Variants in GAS7 observed in about 807,000 individuals in gnomAD.
GAS7 encodes the protein growth arrest-specific protein 7.
Under a neutral mutation model 71.1 loss-of-function variants are expected in GAS7, and 28 were observed. The observed-to-expected ratio is 0.39, with a 90% CI of 0.29 to 0.54. The LOEUF (loss-of-function observed/expected upper bound fraction) is 0.54, where lower values mean the gene tolerates loss of function less well. GAS7 is among the 20% of genes least tolerant of loss of function. GAS7 has a pLI of 0.62. For missense variants in GAS7, 436 were observed against 627.8 expected, an observed-to-expected ratio of 0.69 and a Z score of 3.27; for synonymous variants, 258 against 245.8, an observed-to-expected ratio of 1.05 and a Z score of -0.46.
intron 2 of GAS7, among the ~76,000 whole-genome samples, chr17:9,999,738 A>C (rs771889515): frequency 8.5e-5 from 13 of 152,246 alleles, no homozygotes; most frequent in Non-Finnish European, 1.8e-4. Context: ...ATCATGAACC[A>C]GCACTGTAAA....
chr17:10,090,638 T>C (rs985433530), intron 1 of GAS7, among the ~76,000 whole-genome samples: 5 of 152,098 alleles, frequency 3.3e-5, no homozygotes, highest in African/African-American at 9.7e-5. Context: ...AAAATTCAGG[T>C]TGTGGTGTTG....
At chr17:9,941,834 C>T (rs3786112) in intron 7 of GAS7, among the ~76,000 whole-genome samples, 15,477 of 152,090 alleles carry the variant, frequency 0.1, 1,800 homozygotes, top group African/African-American at 0.29. Flanking sequence ...GAAAATAGGC[C>T]CTCTGTCTAT....
chr17:10,048,379 A>C (rs1360621601), intron 1 of GAS7, among the ~76,000 whole-genome samples: 1 of 152,046 alleles, frequency 6.6e-6, no homozygotes, highest in Non-Finnish European at 1.5e-5. Flanking sequence ...GTTACCCAGG[A>C]AATCAGATTT....
chr17:10,012,995 C>T (rs1056532310), intron 2 of GAS7, among the ~76,000 whole-genome samples: 4 of 149,912 alleles, frequency 2.7e-5, no homozygotes, highest in African/African-American at 4.9e-5. Flanking sequence ...TCCAGCTACT[C>T]GGGAGGCCGA....
At chr17:9,980,268 G>A (rs1457473675) in intron 3 of GAS7, among the ~76,000 whole-genome samples, 1 of 152,088 alleles carries the variant, frequency 6.6e-6, no homozygotes, top group Admixed American at 6.5e-5. Context: ...GCACTTTCAT[G>A]TCTTCAGGTC....
chr17:9,951,515 G>GAAA (rs1237153627), intron 5 of GAS7, among the ~76,000 whole-genome samples: 1 of 152,134 alleles, frequency 6.6e-6, no homozygotes, highest in African/African-American at 2.4e-5. Flanking sequence ...CCAGCACTTT[G>GAAA]GGAGGCCGAG....
At chr17:10,057,408 C>T (rs192401334) in intron 1 of GAS7, among the ~76,000 whole-genome samples, 1,666 of 151,940 alleles carry the variant, frequency 0.011, 41 homozygotes, top group African/African-American at 0.039. Flanking sequence ...GCCCTGCCGC[C>T]CCGTCTGGAA....
chr17:10,069,632 T>C (rs1037983055), intron 1 of GAS7, among the ~76,000 whole-genome samples: 1 of 152,172 alleles, frequency 6.6e-6, no homozygotes, highest in Non-Finnish European at 1.5e-5. Flanking sequence ...TGTGGTCCAT[T>C]TGACCCCACA....
In GAS7 at chr17:10,193,260, C is replaced by CAAAAAA. The variant is rs57261260; in HGVS notation, c.183+4942_183+4947dup. ...GCCTTTAGAAAGAAACCTCTAGAGT[C>CAAAAAA]AAAAAAAAAAAAAAAAAACCCTCCA... On this transcript the variant is annotated intron_variant, in intron 1 of 13. Coordinates refer to ENST00000432992, the MANE Select transcript of GAS7 (RefSeq NM_201433.2). Among the ~76,000 whole-genome samples, 184 of 113,408 alleles carry CAAAAAA rather than the reference C, an allele frequency of 1.6e-3. 2 individuals carry two copies. Among genetic ancestry groups the CAAAAAA allele is most frequent in the African/African-American group, 5.5e-3 (164 of 29,698 alleles). 74.4% of individuals were successfully genotyped at this position (113,408 alleles called of 152,430 possible). A position where few individuals can be genotyped will look rare whatever the true frequency, so the allele number is the denominator to read the frequency against.
At chr17:10,010,997 T>A (rs903207989) in intron 2 of GAS7, among the ~76,000 whole-genome samples, 1 of 152,214 alleles carries the variant, frequency 6.6e-6, no homozygotes, top group Non-Finnish European at 1.5e-5. Flanking sequence ...ATTTGGCCCA[T>A]AGGCCACAGT....
chr17:10,117,146 C>A (rs2073868160), intron 1 of GAS7, among the ~76,000 whole-genome samples: 1 of 152,126 alleles, frequency 6.6e-6, no homozygotes, highest in African/African-American at 2.4e-5. Flanking sequence ...GAATCCATTT[C>A]TTTGCCTTTC....
At chr17:9,987,660 A>G (rs2070695638) in intron 2 of GAS7, among the ~76,000 whole-genome samples, 1 of 152,380 alleles carries the variant, frequency 6.6e-6, no homozygotes, top group South Asian at 2.1e-4. Context: ...TAATTTGTAA[A>G]GTGAGAGACC....
chr17:10,011,806 G>A (rs929250633), intron 2 of GAS7, among the ~76,000 whole-genome samples: 10 of 152,118 alleles, frequency 6.6e-5, no homozygotes, highest in Admixed American at 2.0e-4. Context: ...GAGAAACCCC[G>A]TCTCTACTAA....
At chr17:10,074,279 TC>T (rs769296955) in intron 1 of GAS7, among the ~76,000 whole-genome samples, 4 of 152,184 alleles carry the variant, frequency 2.6e-5, no homozygotes, top group Admixed American at 6.5e-5. Flanking sequence ...GATTGCATAT[TC>T]TTTATTCCCC....
At position 9,959,262 on chromosome 17, in the gene GAS7, A is replaced by G. The variant is rs771877871; in HGVS notation, c.472-7T>C. 1.9e-6 allele frequency: 3 copies of G among 1,613,880 alleles called. No individual in the cohort carries two copies. Among genetic ancestry groups the G allele is most frequent in the Non-Finnish European group, 2.5e-6 (3 of 1,179,912 alleles). On this transcript the variant is annotated splice_polypyrimidine_tract_variant and splice_region_variant and intron_variant, in intron 4 of 13. Coordinates refer to ENST00000432992, the MANE Select transcript of GAS7 (RefSeq NM_201433.2). This position sits in a 1 kb window ranked among gnomAD's most constrained non-coding sequence, Gnocchi z 5.0. ...GCGATGAGGATCCCAGGTTCTGGGG[A>G]GAGAGGCAAGAAACATCGTCAAAGC...
chr17:9,948,356 C>T (rs1289248628), intron 5 of GAS7, among the ~76,000 whole-genome samples: 1 of 152,192 alleles, frequency 6.6e-6, no homozygotes, highest in East Asian at 1.9e-4. Flanking sequence ...TTTTATGTCA[C>T]GATGTGTATC....
rs75892940 is a variant in GAS7 at position 9,959,342 on chromosome 17, C to T, written c.472-87G>A. The T allele has an allele frequency of 2.1e-3, 3,376 of 1,595,472 alleles. 58 individuals are homozygous for T. The African/African-American group carries it at 0.038, about 18-fold the overall frequency. Reference sequence around the variant, plus strand: ...CATTCAGGTTCCCTGAGGGTGGAGGCGCTGGGGAATCAGGGATGCTCAGTC... The same window carrying T: ...CATTCAGGTTCCCTGAGGGTGGAGGTGCTGGGGAATCAGGGATGCTCAGTC... On this transcript the variant is annotated intron_variant, in intron 4 of 13. Coordinates refer to ENST00000432992, the MANE Select transcript of GAS7 (RefSeq NM_201433.2). The surrounding 1 kb of genome is among the most constrained non-coding windows in gnomAD (Gnocchi z 5.0).
At chr17:10,130,112 T>C (rs1567603839) in intron 1 of GAS7, among the ~76,000 whole-genome samples, 1 of 149,716 alleles carries the variant, frequency 6.7e-6, no homozygotes, top group Non-Finnish European at 1.5e-5. Flanking sequence ...GAGGTTGCAG[T>C]GAGCCAAGAT....
At chr17:10,113,881 T>C (rs1012154027) in intron 1 of GAS7, among the ~76,000 whole-genome samples, 11 of 152,186 alleles carry the variant, frequency 7.2e-5, no homozygotes, top group African/African-American at 2.2e-4. Context: ...TTAACAGATA[T>C]ACTTTTGGGT....
Sources: allele counts gnomAD v4.1 joint callset (sites outside exome capture counted in the v4.1 genomes callset), GRCh38; gene constraint gnomAD v4.1.1; non-coding constraint Gnocchi (gnomAD v3.1); transcripts MANE v1.5; gene names NCBI Gene and HGNC (gene_info 2026-07-23, HGNC 2026-07-21).